XKR4: variants seen among roughly 807,000 people sequenced by gnomAD.
XKR4 encodes the protein XK-related protein 4.
XKR4 carries 12 observed loss-of-function variants against 53.9 expected under a neutral mutation model. The observed-to-expected ratio is 0.22, with a 90% confidence interval of 0.14 to 0.36. The LOEUF is 0.36. Among genes scored for constraint, XKR4 ranks in the 10% least tolerant of loss-of-function variants. The probability of loss-of-function intolerance (pLI) is 1.00; values close to 1 mark genes in which losing one functional copy is unlikely to be tolerated. For synonymous variants in XKR4, 354 were observed against 362.4 expected (o/e 0.98, Z 0.26); for missense variants, 799 against 859.5 (o/e 0.93, Z 0.88).
chr8:55,355,839 C>T (rs1017112726), intron 1 of XKR4, among the ~76,000 whole-genome samples: 4 of 152,208 alleles, frequency 2.6e-5, no homozygotes, highest in Admixed American at 2.0e-4. Context: ...CCTGCACTTC[C>T]TTGCTGTATC....
At chr8:55,360,517 A>G (rs1803885818) in intron 2 of XKR4, among the ~76,000 whole-genome samples, 1 of 152,272 alleles carries the variant, frequency 6.6e-6, no homozygotes, top group Non-Finnish European at 1.5e-5. Context: ...TGGGATTTAC[A>G]TGTGAAAACA....
chr8:55,210,128 A>G (rs1817711610), intron 1 of XKR4, among the ~76,000 whole-genome samples: 1 of 148,068 alleles, frequency 6.8e-6, no homozygotes, highest in Non-Finnish European at 1.5e-5. Flanking sequence ...TTTGTTGCCC[A>G]GGCTGAAGTG....
At chr8:55,408,955 C>T (rs761509603) in intron 2 of XKR4, among the ~76,000 whole-genome samples, 10 of 147,648 alleles carry the variant, frequency 6.8e-5, no homozygotes, top group Admixed American at 2.0e-4. Context: ...TGCAGTGAGC[C>T]GAGATCGTGC....
intron 1 of XKR4, among the ~76,000 whole-genome samples, chr8:55,231,079 T>G (rs1818033018): frequency 6.6e-6 from 1 of 152,222 alleles, no homozygotes; most frequent in African/African-American, 2.4e-5. Context: ...CTGACGTTAA[T>G]GAGGTTTCTT....
chr8:55,151,312 G>C (rs950427013), intron 1 of XKR4, among the ~76,000 whole-genome samples: 1 of 152,214 alleles, frequency 6.6e-6, no homozygotes, highest in African/African-American at 2.4e-5. Flanking sequence ...AACACTGACA[G>C]TAAAAGAAGC....
rs933744521 is a variant in XKR4 at position 55,185,800 on chromosome 8, A to T, written c.806+82506A>T. The stretch of plus-strand genomic sequence containing the variant: ...GGAATTTCTCAGAAGAGAGTATAAG[A>T]GAGTTTGATTCCACCTAGATTGCCT... On this transcript the variant is annotated intron_variant, in intron 1 of 2. Coordinates refer to ENST00000327381, the MANE Select transcript of XKR4 (RefSeq NM_052898.2). Among the ~76,000 whole-genome samples, 3 of 152,150 alleles carry T rather than the reference A, an allele frequency of 2.0e-5. No homozygotes were observed. The South Asian group carries it at 6.2e-4, about 32-fold the overall frequency.
In XKR4 at chr8:55,400,070, G is replaced by T. The variant is rs1029058072; in HGVS notation, c.1006+42193G>T. On this transcript the variant is annotated intron_variant, in intron 2 of 2. Coordinates refer to ENST00000327381, the MANE Select transcript of XKR4 (RefSeq NM_052898.2). ...CCATACCTTTGTCTTTCTCAGCACAGTTCAGAAAGGTGGAAATCTCAAAAC... is the reference window on the plus strand; with the variant it reads ...CCATACCTTTGTCTTTCTCAGCACATTTCAGAAAGGTGGAAATCTCAAAAC... 2.2e-4 allele frequency among the ~76,000 whole-genome samples: 34 copies of T among 152,212 alleles called. 2 individuals are homozygous for T. The highest frequency in any genetic ancestry group is 8.2e-4 in the African/African-American group (34 of 41,444).
At chr8:55,489,420 T>C (rs1175640240) in intron 2 of XKR4, among the ~76,000 whole-genome samples, 1 of 152,164 alleles carries the variant, frequency 6.6e-6, no homozygotes, top group Non-Finnish European at 1.5e-5. Flanking sequence ...AGTATTTATC[T>C]GTTAAGAACA....
chr8:55,379,407 T>A (rs1804199745), intron 2 of XKR4, among the ~76,000 whole-genome samples: 1 of 152,226 alleles, frequency 6.6e-6, no homozygotes, highest in Non-Finnish European at 1.5e-5. Flanking sequence ...ATTAGAAATG[T>A]TTCAAAGAAA....
intron 2 of XKR4, among the ~76,000 whole-genome samples, chr8:55,380,230 T>A (rs1804212179): frequency 6.6e-6 from 1 of 152,094 alleles, no homozygotes; most frequent in Non-Finnish European, 1.5e-5. Context: ...CACACTTAAA[T>A]GAAGGGGAAT....
At chr8:55,135,957 G>T (rs964416694) in intron 1 of XKR4, among the ~76,000 whole-genome samples, 6 of 150,556 alleles carry the variant, frequency 4.0e-5, no homozygotes, top group African/African-American at 1.5e-4. Context: ...GCAGTGGCAC[G>T]ATCTTGGCTC....
intron 2 of XKR4, among the ~76,000 whole-genome samples, chr8:55,475,111 T>C (rs1241426290): frequency 6.6e-6 from 1 of 152,094 alleles, no homozygotes; most frequent in Non-Finnish European, 1.5e-5. Context: ...TACTAAATAG[T>C]ACACGGATAC....
chr8:55,379,664 G>T (rs1224881514), intron 2 of XKR4, among the ~76,000 whole-genome samples: 2 of 152,234 alleles, frequency 1.3e-5, no homozygotes, highest in African/African-American at 4.8e-5. Flanking sequence ...GATAGAACCA[G>T]GCTGCTGTCA....
intron 1 of XKR4, among the ~76,000 whole-genome samples, chr8:55,310,788 G>A (rs1012520733): frequency 1.3e-5 from 2 of 152,182 alleles, no homozygotes; most frequent in African/African-American, 4.8e-5. Context: ...ACCCTGAGTG[G>A]GAGATTCGTG....
At chr8:55,114,823 A>T (rs1048575670) in intron 1 of XKR4, among the ~76,000 whole-genome samples, 13 of 152,208 alleles carry the variant, frequency 8.5e-5, no homozygotes, top group African/African-American at 2.4e-4. Flanking sequence ...GCTGAGAATA[A>T]AATGACTGAA....
At chr8:55,118,287 C>A (rs1816337558) in intron 1 of XKR4, among the ~76,000 whole-genome samples, 1 of 152,168 alleles carries the variant, frequency 6.6e-6, no homozygotes, top group South Asian at 2.1e-4. Flanking sequence ...ATTCCATTCC[C>A]ATGTGAATAG....
intron 2 of XKR4, among the ~76,000 whole-genome samples, chr8:55,433,113 C>G (rs921570485): frequency 6.6e-6 from 1 of 152,124 alleles, no homozygotes; most frequent in East Asian, 1.9e-4. Context: ...ACTTTTTTCA[C>G]AGTAACAATT....
At chr8:55,337,279 C>G (rs914349007) in intron 1 of XKR4, among the ~76,000 whole-genome samples, 13 of 152,188 alleles carry the variant, frequency 8.5e-5, no homozygotes, top group African/African-American at 3.1e-4. Context: ...GGAACCCAAG[C>G]TGGACCCTTG....
chr8:55,341,108 G>A (rs924859970), intron 1 of XKR4, among the ~76,000 whole-genome samples: 5 of 152,138 alleles, frequency 3.3e-5, no homozygotes, highest in Non-Finnish European at 4.4e-5. Context: ...TGATACAACT[G>A]AGATCAGGAT....
Sources: allele counts gnomAD v4.1 joint callset (sites outside exome capture counted in the v4.1 genomes callset), GRCh38; gene constraint gnomAD v4.1.1; transcripts MANE v1.5; gene names NCBI Gene and HGNC (gene_info 2026-07-23, HGNC 2026-07-21).